Variants in ARF4 observed in about 807,000 individuals in gnomAD.
ARF4 encodes the protein ADP-ribosylation factor 4.
ARF4 carries 5 observed loss-of-function variants against 24.3 expected under a neutral mutation model. That is an observed-to-expected ratio of 0.21 (90% confidence interval 0.11 to 0.43). ARF4 has a LOEUF of 0.43. ARF4 is among the 20% of genes least tolerant of loss of function. ARF4 has a pLI of 1.00. For missense variants in ARF4, 107 were observed against 213.0 expected (o/e 0.50, Z 3.10); for synonymous variants, 62 against 73.5 (o/e 0.84, Z 0.80).
intron 5 of ARF4, among the ~76,000 whole-genome samples, chr3:57,575,283 C>CCATT (rs1161424090): frequency 1.4e-5 from 2 of 144,014 alleles, no homozygotes; most frequent in African/African-American, 5.0e-5. Context: ...AATCTTCTTT[C>CCATT]CATTCCTTCC....
In ARF4 at chr3:57,572,018, T is replaced by C; in HGVS notation, c.*194A>G. On this transcript the variant is annotated 3_prime_UTR_variant, in exon 6 of 6. Transcript: ENST00000303436. The stretch of plus-strand genomic sequence containing the variant: ...GAGGATACTTTTTTCCCAAGGAGAA[T>C]TTCTTTAAAACCAAGCACATTGCTA... The C allele has an allele frequency of 2.1e-6, 1 of 486,554 alleles. No homozygotes were observed. The highest frequency in any genetic ancestry group is 3.7e-6 in the Non-Finnish European group (1 of 272,724). The allele number at this position is 486,554 out of a possible 1,614,324, so 30.1% of individuals were successfully genotyped here.
chr3:57,578,901 A>C, intron 3 of ARF4, among the ~76,000 whole-genome samples: 1 of 151,906 alleles, frequency 6.6e-6, no homozygotes, highest in Non-Finnish European at 1.5e-5. Flanking sequence ...GGGGGGGGGC[A>C]AAAATAAAAA....
intron 3 of ARF4, among the ~76,000 whole-genome samples, chr3:57,580,061 T>C (rs756262509): frequency 2.2e-4 from 33 of 152,238 alleles, no homozygotes; most frequent in Admixed American, 3.9e-4. Context: ...GCCATGATCA[T>C]GCCACTGCAC....
intron 3 of ARF4, among the ~76,000 whole-genome samples, chr3:57,578,303 C>T (rs552638888): frequency 6.6e-6 from 1 of 151,608 alleles, no homozygotes; most frequent in South Asian, 2.1e-4. Context: ...TCCTGTAATC[C>T]CAGCACTATG....
At chr3:57,579,973 T>C (rs180841733) in intron 3 of ARF4, among the ~76,000 whole-genome samples, 254 of 152,104 alleles carry the variant, frequency 1.7e-3, no homozygotes, top group African/African-American at 5.7e-3. Context: ...TGGTGGCACA[T>C]GTCTATAGTC....
intron 5 of ARF4, 111 bp downstream of exon 5, chr3:57,575,437 T>C: frequency 9.4e-7 from 1 of 1,064,778 alleles, no homozygotes; most frequent in Non-Finnish European, 1.3e-6. Context: ...AATGATGTGC[T>C]CATTATTTGT....
At chr3:57,574,153 T>C (rs1489806414) in intron 5 of ARF4, among the ~76,000 whole-genome samples, 1 of 151,654 alleles carries the variant, frequency 6.6e-6, no homozygotes, top group Non-Finnish European at 1.5e-5. Flanking sequence ...CTTGGCCATG[T>C]TGGTCTTGAA....
chr3:57,582,899 AAG>A (rs761024462), intron 3 of ARF4, among the ~76,000 whole-genome samples: 1 of 152,212 alleles, frequency 6.6e-6, no homozygotes, highest in Non-Finnish European at 1.5e-5. Flanking sequence ...CCTCATATGT[AAG>A]AGAGTTAGAT....
In ARF4 at chr3:57,596,989, A is replaced by G; in HGVS notation, c.67+85T>C. The G allele has an allele frequency of 4.7e-6, 6 of 1,285,208 alleles. No individual in the cohort carries two copies. In the South Asian group the frequency reaches 7.8e-5, roughly 17 times the overall value. The allele number at this position is 1,285,208 out of a possible 1,614,324, so 79.6% of individuals were successfully genotyped here. A position where few individuals can be genotyped will look rare whatever the true frequency, so the allele number is the denominator to read the frequency against. On this transcript the variant is annotated intron_variant, in intron 1 of 5. Transcript: ENST00000303436. ...GCCCCTCCCCCACCACAGCGGGCGG[A>G]GGAAAAAAACAGGCCCAGAGGCCAC...
chr3:57,582,615 A>G (rs2069988592), intron 3 of ARF4, among the ~76,000 whole-genome samples: 1 of 152,198 alleles, frequency 6.6e-6, no homozygotes, highest in Non-Finnish European at 1.5e-5. Context: ...TGGTTGTCCC[A>G]GCCACTCACC....
At chr3:57,595,254 C>A (rs1399990637) in intron 1 of ARF4, among the ~76,000 whole-genome samples, 1 of 152,140 alleles carries the variant, frequency 6.6e-6, no homozygotes, top group Non-Finnish European at 1.5e-5. Context: ...AATAGCAATT[C>A]ATTTACAATA....
chr3:57,581,131 G>C (rs1193083968), intron 3 of ARF4, among the ~76,000 whole-genome samples: 2 of 152,208 alleles, frequency 1.3e-5, no homozygotes, highest in African/African-American at 2.4e-5. Flanking sequence ...GGAATTATAA[G>C]AGGAATTTAC....
Position 57,577,047 on chromosome 3 carries a change from G to A in ARF4, c.330+269C>T, listed in dbSNP as rs570109756. ...AGATAGGCATCAAGATTACCCATGA[G>A]GCATTCTAAAAAAAAAAAAAACAAC... On this transcript the variant is annotated intron_variant, in intron 4 of 5. Coordinates refer to ENST00000303436, the MANE Select transcript of ARF4 (RefSeq NM_001660.4). Among the ~76,000 whole-genome samples, 3 of 150,438 alleles carry A rather than the reference G, an allele frequency of 2.0e-5. No individual in the cohort carries two copies. The South Asian group carries it at 6.3e-4, about 31-fold the overall frequency.
chr3:57,575,765 CATT>C (rs1317363289), intron 4 of ARF4, 92 bp from the exon 5 acceptor site: 28 of 1,286,638 alleles, frequency 2.2e-5, no homozygotes, highest in Non-Finnish European at 2.8e-5. Flanking sequence ...GCATTAAATA[CATT>C]ATTAAACATT....
chr3:57,583,306 T>A (rs1324799700), intron 3 of ARF4, among the ~76,000 whole-genome samples: 2 of 152,188 alleles, frequency 1.3e-5, no homozygotes, highest in Non-Finnish European at 2.9e-5. Context: ...GATATTCTGA[T>A]TCAAGTCATC....
At chr3:57,578,252 A>G (rs1220783000) in intron 3 of ARF4, among the ~76,000 whole-genome samples, 1 of 151,956 alleles carries the variant, frequency 6.6e-6, no homozygotes, top group Non-Finnish European at 1.5e-5. Context: ...TCTTAAGAAA[A>G]TGATAGCAAG....
chr3:57,575,651 T>C lies in ARF4; in HGVS notation c.353A>G (p.Asp118Gly). 6.2e-7 allele frequency: 1 copy of C among 1,611,010 alleles called. No homozygotes were observed. ...GTTTGCAAAAAGTAGCAGCACTGCA[T>C]CTCTCAATTCATCTACCAGAAGCTG... ...QKMLLVDELR[D>G]AVLLLFANKQ... The change falls in exon 5 of 6, where the codon GAT becomes GGT. Residue 118 changes from aspartate to glycine, a missense_variant. Physicochemically the swap from Asp to Gly is moderately conservative, Grantham distance 94. Transcript: ENST00000303436.
intron 2 of ARF4, 166 bp from the exon 3 acceptor site, chr3:57,584,173 G>C (rs2070008676): frequency 1.4e-6 from 1 of 697,900 alleles, no homozygotes; most frequent in South Asian, 2.0e-5. Context: ...ATGTTATGCA[G>C]GCTGGTCTTG....
At chr3:57,595,984 T>A (rs978946421) in intron 1 of ARF4, among the ~76,000 whole-genome samples, 19 of 150,874 alleles carry the variant, frequency 1.3e-4, no homozygotes, top group African/African-American at 4.1e-4. Context: ...AAATAAAACC[T>A]CCTCCGGTAG....
Sources: gnomAD v4.1 joint callset for allele counts (sites outside exome capture counted in the v4.1 genomes callset) on GRCh38, gnomAD v4.1.1 for gene constraint, MANE v1.5 for transcripts, NCBI Gene and HGNC (gene_info 2026-07-23, HGNC 2026-07-21) for gene names.